Variants in PDSS2 observed in about 807,000 individuals in gnomAD.
PDSS2 encodes the protein decaprenyl diphosphate synthase subunit 2, also known as all trans-polyprenyl-diphosphate synthase PDSS2.
PDSS2 carries 31 observed loss-of-function variants against 44.5 expected under a neutral mutation model. That is an observed-to-expected ratio of 0.70 (90% CI 0.52 to 0.94). The LOEUF (loss-of-function observed/expected upper bound fraction) is 0.94, where lower values mean the gene tolerates loss of function less well. Among genes scored for constraint, PDSS2 ranks in the 40% least tolerant of loss-of-function variants. The probability of loss-of-function intolerance (pLI) is 0.00; values close to 1 mark genes in which losing one functional copy is unlikely to be tolerated. For synonymous variants in PDSS2, 157 were observed against 180.3 expected (o/e 0.87, Z 1.03); for missense variants, 452 against 482.2 (o/e 0.94, Z 0.59).
intron 1 of PDSS2, among the ~76,000 whole-genome samples, chr6:107,406,876 G>C (rs1358229869): frequency 6.6e-6 from 1 of 152,240 alleles, no homozygotes; most frequent in Non-Finnish European, 1.5e-5. Flanking sequence ...AAGCAGAATT[G>C]CTTTGGGTTC....
Position 107,186,341 on chromosome 6 carries a change from T to C in PDSS2, c.1041+7481A>G, listed in dbSNP as rs1772163060. ...TATTTTGCTGAATGAGACACACATGTTGAAGGTCCAGTTGAGAATGATTTT... is the reference window on the plus strand; with the variant it reads ...TATTTTGCTGAATGAGACACACATGCTGAAGGTCCAGTTGAGAATGATTTT... On this transcript the variant is annotated intron_variant, in intron 7 of 7. Transcript: ENST00000369037. Among the ~76,000 whole-genome samples the C allele has an allele frequency of 2.0e-5, 3 of 152,206 alleles. No individual in the cohort carries two copies. In the South Asian group the frequency reaches 6.2e-4, roughly 32 times the overall value.
At chr6:107,445,534 T>A (rs1362429337) in intron 1 of PDSS2, among the ~76,000 whole-genome samples, 1 of 152,210 alleles carries the variant, frequency 6.6e-6, no homozygotes, top group Non-Finnish European at 1.5e-5. Flanking sequence ...ATATTCATAT[T>A]AAATGGGATA....
intron 7 of PDSS2, among the ~76,000 whole-genome samples, chr6:107,185,176 A>T (rs12202082): frequency 4.0e-4 from 60 of 149,014 alleles, no homozygotes; most frequent in Admixed American, 4.8e-4. Context: ...AAGGAGAAGA[A>T]GAAGAGAAGA....
intron 3 of PDSS2, among the ~76,000 whole-genome samples, chr6:107,260,921 C>T (rs1371193466): frequency 1.3e-5 from 2 of 152,104 alleles, no homozygotes; most frequent in African/African-American, 4.8e-5. Flanking sequence ...CTCAGACACC[C>T]AAAGTGCTGG....
intron 7 of PDSS2, among the ~76,000 whole-genome samples, chr6:107,162,584 C>T (rs1270039982): frequency 1.4e-4 from 16 of 112,940 alleles, no homozygotes; most frequent in South Asian, 2.9e-4. Context: ...TACACTTTTT[C>T]TTTTTATTTT....
At chr6:107,341,466 T>C (rs967797713) in intron 1 of PDSS2, among the ~76,000 whole-genome samples, 11 of 152,226 alleles carry the variant, frequency 7.2e-5, no homozygotes, top group Non-Finnish European at 1.6e-4. Context: ...GCTGTGCCTA[T>C]AGAGTTGGGA....
chr6:107,355,469 T>C, intron 1 of PDSS2, among the ~76,000 whole-genome samples: 1 of 152,178 alleles, frequency 6.6e-6, no homozygotes, highest in Non-Finnish European at 1.5e-5. Context: ...TTATGTATCT[T>C]AGATAAACTA....
At chr6:107,245,119 G>T (rs1243720937) in intron 4 of PDSS2, among the ~76,000 whole-genome samples, 2 of 151,944 alleles carry the variant, frequency 1.3e-5, no homozygotes, top group African/African-American at 4.8e-5. Context: ...GTATATAAAA[G>T]ATACCCCCAT....
At chr6:107,364,929 C>G (rs1238810936) in intron 1 of PDSS2, among the ~76,000 whole-genome samples, 2 of 152,202 alleles carry the variant, frequency 1.3e-5, no homozygotes, top group Non-Finnish European at 2.9e-5. Context: ...ATCAATGATA[C>G]ACTTAAAGTC....
intron 2 of PDSS2, among the ~76,000 whole-genome samples, chr6:107,325,865 G>C (rs1222305323): frequency 1.3e-5 from 2 of 152,056 alleles, no homozygotes; most frequent in Non-Finnish European, 2.9e-5. Context: ...TGACTTCATG[G>C]GAATTTTTTC....
intron 2 of PDSS2, among the ~76,000 whole-genome samples, chr6:107,278,104 A>T (rs1386661816): frequency 6.6e-6 from 1 of 152,160 alleles, no homozygotes; most frequent in Non-Finnish European, 1.5e-5. Context: ...ACAAATTGGC[A>T]TTATCAAATG....
intron 4 of PDSS2, among the ~76,000 whole-genome samples, chr6:107,220,985 C>T (rs1385999475): frequency 6.6e-6 from 1 of 152,196 alleles, no homozygotes; most frequent in Non-Finnish European, 1.5e-5. Flanking sequence ...TCAGTACCTT[C>T]AGATACCAGA....
At chr6:107,333,377 T>A (rs1777772097) in intron 2 of PDSS2, among the ~76,000 whole-genome samples, 1 of 152,208 alleles carries the variant, frequency 6.6e-6, no homozygotes, top group African/African-American at 2.4e-5. Context: ...TTAAGTTTAT[T>A]TTATATGCAG....
At chr6:107,343,421 G>A (rs1048867873) in intron 1 of PDSS2, among the ~76,000 whole-genome samples, 4 of 152,104 alleles carry the variant, frequency 2.6e-5, no homozygotes, top group Admixed American at 2.6e-4. Flanking sequence ...CCACCAACAA[G>A]GTGCAACTGT....
At chr6:107,197,975 A>G in intron 6 of PDSS2, 1 of 466,966 alleles carries the variant, frequency 2.1e-6, no homozygotes, top group South Asian at 1.6e-5. Flanking sequence ...GCATTGAGCC[A>G]CCTCCCACTC....
chr6:107,417,975 A>G (rs986391268), intron 1 of PDSS2, among the ~76,000 whole-genome samples: 3 of 152,190 alleles, frequency 2.0e-5, no homozygotes. Context: ...TAAGTGGAAA[A>G]GGATAGAAAA....
intron 3 of PDSS2, among the ~76,000 whole-genome samples, chr6:107,246,085 C>T (rs983059085): frequency 6.6e-6 from 1 of 152,080 alleles, no homozygotes; most frequent in East Asian, 1.9e-4. Flanking sequence ...CATTCTGTTA[C>T]ACTTAAAATG....
rs551863149 is a variant in PDSS2, at chr6:107,349,875, A to G, written c.297-15543T>C. 3.9e-4 allele frequency among the ~76,000 whole-genome samples: 60 copies of G among 152,368 alleles called. No homozygotes were observed. In the South Asian group the frequency reaches 0.012, roughly 31 times the overall value. On this transcript the variant is annotated intron_variant, in intron 1 of 7. Coordinates refer to ENST00000369037, the MANE Select transcript of PDSS2 (RefSeq NM_020381.4). ...TTCAGATCCAATTCAAGTTTCACCAATTATTCCAATAATGTCCTTTATAAC... is the reference window on the plus strand; with the variant it reads ...TTCAGATCCAATTCAAGTTTCACCAGTTATTCCAATAATGTCCTTTATAAC...
rs1258163487 is a variant in PDSS2, at chr6:107,318,995, AATAT to A, written c.431+15199_431+15202del. Among the ~76,000 whole-genome samples, 255 of 103,846 alleles carry A rather than the reference AATAT, an allele frequency of 2.5e-3. 3 individuals are homozygous for A. The highest frequency in any genetic ancestry group is 7.4e-3 in the African/African-American group (249 of 33,596). The allele number at this position is 103,846 out of a possible 152,430, so 68.1% of individuals were successfully genotyped here. A position where few individuals can be genotyped will look rare whatever the true frequency, so the allele number is the denominator to read the frequency against. ...AGAGTGAGACTATGTTAAAAAAGAAAATATATATATATACACACACACACACACA... is the reference window on the plus strand; with the variant it reads ...AGAGTGAGACTATGTTAAAAAAGAAAATATATATACACACACACACACACA... On this transcript the variant is annotated intron_variant, in intron 2 of 7. Coordinates refer to ENST00000369037, the MANE Select transcript of PDSS2 (RefSeq NM_020381.4).
Sources: gnomAD v4.1 joint callset for allele counts (sites outside exome capture counted in the v4.1 genomes callset) on GRCh38, gnomAD v4.1.1 for gene constraint, MANE v1.5 for transcripts, NCBI Gene and HGNC (gene_info 2026-07-23, HGNC 2026-07-21) for gene names.